The following NREP variants were observed in gnomAD, a reference collection of about 807,000 sequenced individuals.
NREP encodes neuronal regeneration-related protein.
In NREP, 5 loss-of-function variants were observed where a neutral mutation model predicts 8.6. The ratio of observed to expected loss-of-function variants is 0.58; its 90% CI spans 0.30 to 1.22. The LOEUF is 1.22. Among genes scored for constraint, NREP ranks in the 50% most tolerant of loss-of-function variants. The pLI is 0.07. For missense variants in NREP, 86 were observed against 82.5 expected, an observed-to-expected ratio of 1.04 and a Z score of -0.17; for synonymous variants, 27 against 28.0, an observed-to-expected ratio of 0.96 and a Z score of 0.11.
chr5:111,952,299 G>A (rs543962347), intron 2 of NREP, among the ~76,000 whole-genome samples: 6 of 152,120 alleles, frequency 3.9e-5, no homozygotes, highest in Non-Finnish European at 8.8e-5. Context: ...TGAGAATACA[G>A]TCAAAGAAAT....
At chr5:111,732,395 C>T (rs551746468) in intron 3 of NREP, 76 of 151,928 alleles carry the variant, frequency 5.0e-4, no homozygotes, top group African/African-American at 1.8e-3. Flanking sequence ...TTAAAAGTCT[C>T]GGACTTTGAG....
intron 2 of NREP, among the ~76,000 whole-genome samples, chr5:111,957,021 A>C (rs1239307079): frequency 6.6e-6 from 1 of 151,830 alleles, no homozygotes; most frequent in East Asian, 1.9e-4. Flanking sequence ...GTACAATGAC[A>C]TACAGTAGAG....
At chr5:111,809,525 G>A (rs966804675) in intron 2 of NREP, among the ~76,000 whole-genome samples, 1 of 152,196 alleles carries the variant, frequency 6.6e-6, no homozygotes, top group South Asian at 2.1e-4. Flanking sequence ...TCTCTCTCAG[G>A]TGAGACTGGA....
At position 111,730,634 on chromosome 5, in the gene NREP, G is replaced by GAGTTGTGGAAGACATTGT. The variant is rs1740574656; in HGVS notation, c.*269_*286dup. The GAGTTGTGGAAGACATTGT allele has an allele frequency of 1.9e-5, 5 of 269,900 alleles. No individual in the cohort carries two copies. The South Asian group carries it at 4.1e-4, about 22-fold the overall frequency. The allele number at this position is 269,900 out of a possible 1,614,324, so 16.7% of individuals were successfully genotyped here. A position where few individuals can be genotyped will look rare whatever the true frequency, so the allele number is the denominator to read the frequency against. On this transcript the variant is annotated 3_prime_UTR_variant, in exon 4 of 4. Transcript: ENST00000257435. ...GGTTGTGTGAGCGCGGTGGGAGTTT[G>GAGTTGTGGAAGACATTGT]AGTTGTGGAAGACATTGTTGTAGCG... is the stretch of plus-strand genomic sequence containing the variant.
intron 2 of NREP, among the ~76,000 whole-genome samples, chr5:111,953,071 C>T (rs1183416334): frequency 3.3e-5 from 5 of 152,102 alleles, no homozygotes; most frequent in Admixed American, 3.3e-4. Context: ...TGAAATTACG[C>T]TTTTTATGAT....
At position 111,851,348 on chromosome 5, in the gene NREP, T is replaced by G. The variant is rs74961381; in HGVS notation, c.136-115841A>C. ...ATGAAGCCTCCTGCAGATACTCTGG[T>G]GTTCTACAACAGTAAAATACATATG... On this transcript the variant is annotated intron_variant, in intron 2 of 3. Transcript: ENST00000395634. Among the ~76,000 whole-genome samples the G allele has an allele frequency of 4.1e-3, 617 of 152,318 alleles. 8 individuals carry two copies. Among genetic ancestry groups the G allele is most frequent in the African/African-American group, 0.014 (581 of 41,582 alleles).
intron 2 of NREP, among the ~76,000 whole-genome samples, chr5:111,914,689 G>A (rs941470338): frequency 6.6e-6 from 1 of 152,062 alleles, no homozygotes; most frequent in Admixed American, 6.6e-5. Flanking sequence ...TAGCCTTACT[G>A]AGAGATCCTT....
chr5:111,819,721 A>G (rs932897428), intron 2 of NREP, among the ~76,000 whole-genome samples: 1 of 152,192 alleles, frequency 6.6e-6, no homozygotes, highest in African/African-American at 2.4e-5. Context: ...TATTTAATAT[A>G]CATTGTTGAT....
intron 1 of NREP, chr5:111,756,316 TA>T: frequency 7.3e-5 from 3 of 41,094 alleles, no homozygotes; most frequent in Non-Finnish European, 1.3e-4. Context: ...AAAAAAACCC[TA>T]CACGGCGGGG....
chr5:111,760,830 C>T (rs1340436733), upstream of NREP, among the ~76,000 whole-genome samples: 2 of 152,210 alleles, frequency 1.3e-5, no homozygotes, highest in African/African-American at 2.4e-5. Context: ...AGAATAGTCC[C>T]TCACAGGATT....
chr5:111,957,704 T>TAC (rs1428214862), intron 2 of NREP, among the ~76,000 whole-genome samples: 456 of 151,032 alleles, frequency 3.0e-3, no homozygotes, highest in African/African-American at 0.01. Flanking sequence ...TGTATATATA[T>TAC]ATACACACAC....
At chr5:111,797,255 GA>G (rs1252592681) in intron 2 of NREP, among the ~76,000 whole-genome samples, 2 of 152,086 alleles carry the variant, frequency 1.3e-5, no homozygotes, top group South Asian at 2.1e-4. Context: ...AAGTGTCAGA[GA>G]AAAAAATTTA....
rs139403448 is a variant in NREP at position 111,861,366 on chromosome 5, C to T, written c.135+113908G>A. Among the ~76,000 whole-genome samples the T allele has an allele frequency of 2.9e-4, 44 of 152,232 alleles. No individual in the cohort carries two copies. In the South Asian group the frequency reaches 7.0e-3, roughly 24 times the overall value. On this transcript the variant is annotated intron_variant, in intron 2 of 3. Coordinates refer to the NREP transcript ENST00000395634. ...GTAGTGACTCTGGTGGCTACTGATACGCCAGGGAAAAGAAGGTGCTAAAGG... is the reference window on the plus strand; with the variant it reads ...GTAGTGACTCTGGTGGCTACTGATATGCCAGGGAAAAGAAGGTGCTAAAGG...
chr5:111,919,919 G>C (rs112585130), intron 2 of NREP, among the ~76,000 whole-genome samples: 2,918 of 143,254 alleles, frequency 0.02, 109 homozygotes, highest in African/African-American at 0.068. Context: ...AAGAAAGAAA[G>C]ATCTGAACTG....
At chr5:111,815,959 A>G (rs1229831442) in intron 2 of NREP, among the ~76,000 whole-genome samples, 1 of 152,174 alleles carries the variant, frequency 6.6e-6, no homozygotes, top group Admixed American at 6.5e-5. Context: ...AAAATAATCT[A>G]AAACCACTCA....
chr5:111,878,857 C>A (rs1323007094), intron 2 of NREP, among the ~76,000 whole-genome samples: 1 of 152,168 alleles, frequency 6.6e-6, no homozygotes, highest in Non-Finnish European at 1.5e-5. Context: ...GCACTCCATT[C>A]ATGTATTTTA....
chr5:111,913,644 G>C (rs1192504954), intron 2 of NREP, among the ~76,000 whole-genome samples: 1 of 152,100 alleles, frequency 6.6e-6, no homozygotes, highest in Non-Finnish European at 1.5e-5. Context: ...AATTGGGTAA[G>C]AGGATGATAG....
intron 2 of NREP, among the ~76,000 whole-genome samples, chr5:111,814,179 A>C (rs1752333491): frequency 6.6e-6 from 1 of 152,148 alleles, no homozygotes; most frequent in South Asian, 2.1e-4. Context: ...TCAGTTATGC[A>C]AATATAATGT....
At chr5:111,801,210 A>T (rs1327823417) in intron 2 of NREP, among the ~76,000 whole-genome samples, 1 of 152,242 alleles carries the variant, frequency 6.6e-6, no homozygotes, top group Non-Finnish European at 1.5e-5. Flanking sequence ...GTTTACAGTA[A>T]ATGCTAGTAG....
Sources: gnomAD v4.1 joint callset for allele counts (sites outside exome capture counted in the v4.1 genomes callset) on GRCh38, gnomAD v4.1.1 for gene constraint, MANE v1.5 for transcripts, NCBI Gene and HGNC (gene_info 2026-07-23, HGNC 2026-07-21) for gene names.